Variants in ANKRD13C observed in about 807,000 individuals in gnomAD.
The protein encoded by ANKRD13C is ankyrin repeat domain-containing protein 13C.
In ANKRD13C, 16 loss-of-function variants were observed where a neutral mutation model predicts 65.5. The observed-to-expected ratio is 0.24, with a 90% CI of 0.17 to 0.37. ANKRD13C has a LOEUF of 0.37. Ranked by LOEUF, ANKRD13C falls within the 10% of genes least tolerant of loss-of-function variation. The pLI is 1.00. For synonymous variants in ANKRD13C, 235 were observed against 238.7 expected, an observed-to-expected ratio of 0.98 and a Z score of 0.14; for missense variants, 503 against 655.9, an observed-to-expected ratio of 0.77 and a Z score of 2.55.
intron 5 of ANKRD13C, among the ~76,000 whole-genome samples, chr1:70,308,837 A>C (rs944448930): frequency 6.6e-6 from 1 of 152,138 alleles, no homozygotes. Context: ...AATGCATTCC[A>C]AAACATAGCA....
In ANKRD13C at chr1:70,284,995, C is replaced by T. The variant is rs115412965; in HGVS notation, c.1215+7393G>A. 9.0e-3 allele frequency among the ~76,000 whole-genome samples: 1,375 copies of T among 152,108 alleles called. 20 individuals are homozygous for T. The highest frequency in any genetic ancestry group is 0.032 in the African/African-American group (1,325 of 41,478). The stretch of plus-strand genomic sequence containing the variant: ...ACTCAGAATAGGCCACTGGAGAATC[C>T]TTCATTACTCTCTGATAAAATATAA... On this transcript the variant is annotated intron_variant, in intron 9 of 12. Transcript: ENST00000370944.
intron 3 of ANKRD13C, among the ~76,000 whole-genome samples, chr1:70,319,652 C>CTTT (rs57930157): frequency 3.6e-4 from 50 of 140,146 alleles, no homozygotes; most frequent in Non-Finnish European, 7.3e-4. Flanking sequence ...TAGCATATGC[C>CTTT]TTTTTTTTTT....
intron 2 of ANKRD13C, among the ~76,000 whole-genome samples, chr1:70,328,199 T>C (rs1681632198): frequency 6.6e-6 from 1 of 152,112 alleles, no homozygotes; most frequent in African/African-American, 2.4e-5. Flanking sequence ...GGGGGTATAT[T>C]TAAATTTTTT....
At chr1:70,342,536 C>T (rs78724042) in intron 1 of ANKRD13C, among the ~76,000 whole-genome samples, 2,348 of 151,810 alleles carry the variant, frequency 0.015, 59 homozygotes, top group African/African-American at 0.054. Context: ...GACTCCAACT[C>T]GGTGGAGGGG....
At chr1:70,311,760 G>A (rs752874043) in intron 5 of ANKRD13C, among the ~76,000 whole-genome samples, 2 of 152,198 alleles carry the variant, frequency 1.3e-5, no homozygotes, top group East Asian at 1.9e-4. Context: ...GTAAACTGAG[G>A]ATAATTTTAG....
chr1:70,319,849 T>G (rs972901855), intron 3 of ANKRD13C, among the ~76,000 whole-genome samples: 1 of 152,104 alleles, frequency 6.6e-6, no homozygotes, highest in Non-Finnish European at 1.5e-5. Flanking sequence ...CCACAGAATA[T>G]TCACTGGTCT....
At chr1:70,311,961 A>G (rs991617399) in intron 5 of ANKRD13C, among the ~76,000 whole-genome samples, 3 of 152,212 alleles carry the variant, frequency 2.0e-5, no homozygotes, top group Non-Finnish European at 4.4e-5. Flanking sequence ...TAATTTGTAG[A>G]AAATTATTAC....
chr1:70,278,563 A>T lies in ANKRD13C; in HGVS notation c.1216-1719T>A, dbSNP rs183929231. On this transcript the variant is annotated intron_variant, in intron 9 of 12. Transcript: ENST00000370944. The stretch of plus-strand genomic sequence containing the variant: ...CAAAAACCTCATAAATTAAAAAAAA[A>T]TTTTTTTTCAATTGCTAATGAAAAC... Among the ~76,000 whole-genome samples the T allele has an allele frequency of 8.9e-3, 1,356 of 152,130 alleles. 22 individuals are homozygous for T. Among genetic ancestry groups the T allele is most frequent in the African/African-American group, 0.031 (1,269 of 41,494 alleles).
At chr1:70,352,919 C>G (rs1257730886) in intron 1 of ANKRD13C, among the ~76,000 whole-genome samples, 1 of 152,070 alleles carries the variant, frequency 6.6e-6, no homozygotes, top group East Asian at 1.9e-4. Context: ...AGAAATCTTA[C>G]TCGTTTTTTT....
In ANKRD13C at chr1:70,354,093, C is replaced by T; in HGVS notation, c.316G>A (p.Asp106Asn). The T allele has an allele frequency of 6.2e-7, 1 of 1,612,350 alleles. No homozygotes were observed. Among genetic ancestry groups the T allele is most frequent in the Admixed American group, 1.7e-5 (1 of 59,906 alleles). The change falls in exon 1 of 13, where the codon GAT becomes AAT. Residue 106 changes from aspartate (D) to asparagine (N), a missense_variant. Coordinates refer to ENST00000370944, the MANE Select transcript of ANKRD13C (RefSeq NM_030816.5). ...TAGTGTGCGGGGCAACTGCCTCCAT[C>T]CGCGACGACAGCAACGGGGTTGGTG... ...AGTNPVAVVADGGSCPAHYPV... is the reference protein window; with the variant it reads ...AGTNPVAVVANGGSCPAHYPV...
chr1:70,311,819 T>G (rs1416304874), intron 5 of ANKRD13C, among the ~76,000 whole-genome samples: 2 of 152,280 alleles, frequency 1.3e-5, no homozygotes, highest in East Asian at 3.9e-4. Context: ...CATAATACAA[T>G]TTTTAGAAAT....
At chr1:70,339,604 C>T (rs1682212816) in intron 1 of ANKRD13C, among the ~76,000 whole-genome samples, 1 of 151,902 alleles carries the variant, frequency 6.6e-6, no homozygotes, top group Non-Finnish European at 1.5e-5. Context: ...GAGGAGTGAG[C>T]CACCGCGCTC....
intron 2 of ANKRD13C, among the ~76,000 whole-genome samples, chr1:70,331,390 G>A (rs1366810761): frequency 1.3e-5 from 2 of 151,188 alleles, no homozygotes; most frequent in Non-Finnish European, 2.9e-5. Context: ...GTGAAACCCC[G>A]TCTCTACTAA....
intron 11 of ANKRD13C, 40 bp from the exon 12 acceptor site, chr1:70,270,996 A>C: frequency 7.5e-7 from 1 of 1,325,486 alleles, no homozygotes; most frequent in Non-Finnish European, 1.1e-6. Flanking sequence ...TCATTGTTCA[A>C]ATTGCCTTGT....
chr1:70,279,836 G>C lies in ANKRD13C; in HGVS notation c.1216-2992C>G, dbSNP rs1392045307. Among the ~76,000 whole-genome samples, 6 of 152,194 alleles carry C rather than the reference G, an allele frequency of 3.9e-5. No individual in the cohort carries two copies. In the East Asian group the frequency reaches 1.2e-3, roughly 29 times the overall value. Reference sequence around the variant, plus strand: ...ACTTTTCCTTGGGGTTTCTTGTGTGGTGTGCGGCACGCATTAATAAACTTG... The same window carrying C: ...ACTTTTCCTTGGGGTTTCTTGTGTGCTGTGCGGCACGCATTAATAAACTTG... On this transcript the variant is annotated intron_variant, in intron 9 of 12. Transcript: ENST00000370944.
chr1:70,342,727 CACACACACAATA>C (rs1196416527), intron 1 of ANKRD13C, among the ~76,000 whole-genome samples: 24 of 97,314 alleles, frequency 2.5e-4, no homozygotes, highest in South Asian at 1.2e-3. Flanking sequence ...GAAAGAAACA[CACACACACAATA>C]ACACACACAC....
chr1:70,300,805 A>G lies in ANKRD13C; in HGVS notation c.880T>C (p.Leu294=), dbSNP rs773066934. The change falls in exon 7 of 13, where the codon TTA becomes CTA. Residue 294 remains leucine, a synonymous_variant. Transcript: ENST00000370944. ...DAAPSESFVV[L]DNEQKVYQRI... is the part of the protein sequence containing the mutation. The stretch of plus-strand genomic sequence containing the variant: ...TGATAAACTTTTTGTTCATTGTCTA[A>G]TACTACAAAAGATTCAGAGGGCGCC... 1 of 1,613,444 alleles carries G rather than the reference A, an allele frequency of 6.2e-7. No homozygotes were observed. Among genetic ancestry groups the G allele is most frequent in the Non-Finnish European group, 8.5e-7 (1 of 1,179,784 alleles).
intron 1 of ANKRD13C, among the ~76,000 whole-genome samples, chr1:70,337,146 AACACACACAC>A (rs58715407): frequency 1.5e-4 from 22 of 145,434 alleles, no homozygotes; most frequent in Non-Finnish European, 1.1e-4. Context: ...CCATGATTCA[AACACACACAC>A]ACACACACAC....
At chr1:70,341,126 G>A (rs906865763) in intron 1 of ANKRD13C, among the ~76,000 whole-genome samples, 1 of 152,022 alleles carries the variant, frequency 6.6e-6, no homozygotes, top group Admixed American at 6.6e-5. Context: ...CAACTATTGG[G>A]ATATTAACAC....
Sources: allele counts gnomAD v4.1 joint callset (sites outside exome capture counted in the v4.1 genomes callset), GRCh38; gene constraint gnomAD v4.1.1; transcripts MANE v1.5; gene names NCBI Gene and HGNC (gene_info 2026-07-23, HGNC 2026-07-21).